The following AK9 variants were observed in gnomAD, a reference collection of about 807,000 sequenced individuals.
AK9 encodes the protein adenylate kinase domain containing 1.
In AK9, 191 loss-of-function variants were observed where a neutral mutation model predicts 239.6. The observed-to-expected ratio is 0.80, with a 90% CI of 0.71 to 0.90. The LOEUF is 0.90. Among genes scored for constraint, AK9 ranks in the 40% least tolerant of loss-of-function variants. The pLI is 0.00. For synonymous variants in AK9, 689 were observed against 721.0 expected (o/e 0.96, Z 0.71); for missense variants, 1,995 against 2,214.7 (o/e 0.90, Z 1.99).
chr6:109,651,993 C>T (rs1439170606), intron 8 of AK9, among the ~76,000 whole-genome samples: 1 of 152,156 alleles, frequency 6.6e-6, no homozygotes, highest in African/African-American at 2.4e-5. Context: ...GAGCTGGTAC[C>T]ATTCCTTCTG....
At chr6:109,569,272 A>C (rs1315855039) in intron 21 of AK9, among the ~76,000 whole-genome samples, 1 of 152,196 alleles carries the variant, frequency 6.6e-6, no homozygotes, top group Non-Finnish European at 1.5e-5. Flanking sequence ...CTTATACAAA[A>C]ATTAATTCAA....
At chr6:109,652,965 T>C (rs975206058) in intron 8 of AK9, among the ~76,000 whole-genome samples, 11 of 152,102 alleles carry the variant, frequency 7.2e-5, no homozygotes, top group Admixed American at 2.0e-4. Flanking sequence ...AGTTTCACTG[T>C]CACCCAGGCT....
intron 17 of AK9, among the ~76,000 whole-genome samples, chr6:109,601,650 C>G (rs1050265723): frequency 6.6e-6 from 1 of 152,040 alleles, no homozygotes; most frequent in Non-Finnish European, 1.5e-5. Flanking sequence ...CTTTCTGTCT[C>G]GTTGATCTGT....
At chr6:109,510,157 G>A (rs1028182277) in intron 32 of AK9, among the ~76,000 whole-genome samples, 29 of 152,002 alleles carry the variant, frequency 1.9e-4, no homozygotes, top group Admixed American at 1.1e-3. Context: ...GTGGGGACTC[G>A]TGGTGCCTCT....
chr6:109,686,808 T>C (rs1050220645), intron 1 of AK9, among the ~76,000 whole-genome samples: 1 of 152,170 alleles, frequency 6.6e-6, no homozygotes, highest in South Asian at 2.1e-4. Context: ...ACTGGAAGTA[T>C]CCACTATGAG....
At chr6:109,556,634 T>G (rs1271705563) in intron 24 of AK9, among the ~76,000 whole-genome samples, 1 of 152,150 alleles carries the variant, frequency 6.6e-6, no homozygotes, top group Non-Finnish European at 1.5e-5. Context: ...TGTCTCCTTC[T>G]GGTACTCTAA....
intron 10 of AK9, among the ~76,000 whole-genome samples, chr6:109,635,695 G>A (rs1270443728): frequency 6.6e-6 from 1 of 152,182 alleles, no homozygotes; most frequent in African/African-American, 2.4e-5. Flanking sequence ...CAGCAACTAA[G>A]GGTTAATGCC....
chr6:109,672,290 A>C, intron 3 of AK9, 123 bp from the exon 4 acceptor site: 1 of 879,368 alleles, frequency 1.1e-6, no homozygotes, highest in South Asian at 1.6e-5. Context: ...TATAATTTAC[A>C]ATGCAAATGT....
chr6:109,550,112 A>C lies in AK9; in HGVS notation c.2942T>G (p.Val981Gly). The C allele has an allele frequency of 6.2e-7, 1 of 1,613,960 alleles. No individual in the cohort carries two copies. The highest frequency in any genetic ancestry group is 8.5e-7 in the Non-Finnish European group (1 of 1,180,012). ...EKFLEHPEDYVAHEEPLKAPP... is the reference protein window; with the variant it reads ...EKFLEHPEDYGAHEEPLKAPP... ...CACCTTCAATGGTTCTTCATGAGCCACATAATCCTCAGGATGCTCCAAAAA... is the reference window on the plus strand; with the variant it reads ...CACCTTCAATGGTTCTTCATGAGCCCCATAATCCTCAGGATGCTCCAAAAA... Residue 981 changes from valine (V) to glycine (G), a missense_variant, in exon 25 of 41, where the codon GTG (valine) becomes GGG (glycine). Around this residue, in one of 5 missense-constraint regions of AK9, gnomAD observed 1,290 missense variants for 1,392.7 expected, o/e 0.93. Coordinates refer to ENST00000424296, the MANE Select transcript of AK9 (RefSeq NM_001145128.3).
At chr6:109,567,799 G>C (rs1786787117) in intron 21 of AK9, among the ~76,000 whole-genome samples, 1 of 150,156 alleles carries the variant, frequency 6.7e-6, no homozygotes, top group East Asian at 2.0e-4. Flanking sequence ...GAGTTAATGG[G>C]TGCAGCACAC....
chr6:109,618,764 G>A (rs991599914), intron 13 of AK9, among the ~76,000 whole-genome samples: 1 of 152,180 alleles, frequency 6.6e-6, no homozygotes, highest in African/African-American at 2.4e-5. Context: ...CAAGAGTCAG[G>A]TGGATTCTTC....
At chr6:109,677,597 A>C (rs891668324) in intron 1 of AK9, among the ~76,000 whole-genome samples, 1 of 152,170 alleles carries the variant, frequency 6.6e-6, no homozygotes, top group East Asian at 1.9e-4. Flanking sequence ...ATACATGCCT[A>C]AAATATGATA....
chr6:109,662,963 A>G (rs919721846), intron 5 of AK9, among the ~76,000 whole-genome samples: 1 of 152,134 alleles, frequency 6.6e-6, no homozygotes, highest in Non-Finnish European at 1.5e-5. Flanking sequence ...GCTAGTAATT[A>G]TTTTAACTCA....
chr6:109,517,703 A>G (rs1310980386), intron 29 of AK9, among the ~76,000 whole-genome samples: 2 of 152,214 alleles, frequency 1.3e-5, no homozygotes, highest in African/African-American at 4.8e-5. Context: ...ATAGAACAGC[A>G]GATGCCTTTT....
chr6:109,602,478 C>T (rs1420177433), intron 17 of AK9, among the ~76,000 whole-genome samples: 3 of 152,126 alleles, frequency 2.0e-5, no homozygotes. Context: ...TGTGGGTAAC[C>T]CGACCTTTCT....
At chr6:109,565,925 CA>C (rs1310750087) in intron 21 of AK9, among the ~76,000 whole-genome samples, 1 of 152,078 alleles carries the variant, frequency 6.6e-6, no homozygotes, top group Admixed American at 6.6e-5. Flanking sequence ...TAGAAGGGGA[CA>C]AGCCTGGGAC....
intron 19 of AK9, among the ~76,000 whole-genome samples, chr6:109,580,883 T>C (rs931832652): frequency 4.6e-5 from 7 of 150,728 alleles, no homozygotes; most frequent in Non-Finnish European, 8.9e-5. Context: ...CTTTGCTTCA[T>C]TGCGCTTTAC....
At chr6:109,544,422 T>C (rs760252263) in intron 26 of AK9, among the ~76,000 whole-genome samples, 2 of 152,098 alleles carry the variant, frequency 1.3e-5, no homozygotes, top group Admixed American at 6.6e-5. Context: ...TGAGAGGTGA[T>C]TGGATCATGG....
At chr6:109,629,639 T>TC (rs1795906344) in intron 12 of AK9, among the ~76,000 whole-genome samples, 2 of 151,866 alleles carry the variant, frequency 1.3e-5, no homozygotes, top group Admixed American at 1.3e-4. Context: ...TGAAAAATTT[T>TC]TTTTTTTTTT....
Sources: allele counts gnomAD v4.1 joint callset (sites outside exome capture counted in the v4.1 genomes callset), GRCh38; gene constraint gnomAD v4.1.1; regional missense constraint gnomAD v4.1.1; transcripts MANE v1.5; gene names NCBI Gene and HGNC (gene_info 2026-07-23, HGNC 2026-07-21).